The following VPS54 variants were observed in gnomAD, a reference collection of about 807,000 sequenced individuals.
The protein encoded by VPS54 is vacuolar protein sorting-associated protein 54.
Under a neutral mutation model 121.5 loss-of-function variants are expected in VPS54, and 45 were observed. The observed-to-expected ratio is 0.37, with a 90% CI of 0.29 to 0.47. The LOEUF is 0.47. Ranked by LOEUF, VPS54 falls within the 20% of genes least tolerant of loss-of-function variation. The probability of loss-of-function intolerance (pLI) is 0.99; values close to 1 mark genes in which losing one functional copy is unlikely to be tolerated. For missense variants in VPS54, 1,090 were observed against 1,131.4 expected (o/e 0.96, Z 0.52); for synonymous variants, 371 against 385.8 (o/e 0.96, Z 0.45).
intron 1 of VPS54, among the ~76,000 whole-genome samples, chr2:63,986,574 A>G (rs1483499481): frequency 6.6e-6 from 1 of 152,236 alleles, no homozygotes; most frequent in Non-Finnish European, 1.5e-5. Context: ...AAATATGGAT[A>G]TCTCTTCAAT....
chr2:63,953,685 T>C (rs182622536), intron 7 of VPS54, among the ~76,000 whole-genome samples: 20 of 152,100 alleles, frequency 1.3e-4, no homozygotes, highest in Non-Finnish European at 2.8e-4. Flanking sequence ...TTATCTAAGA[T>C]GAGAGACAGA....
At chr2:63,914,620 C>T (rs985386453) in intron 16 of VPS54, among the ~76,000 whole-genome samples, 11 of 152,038 alleles carry the variant, frequency 7.2e-5, no homozygotes, top group East Asian at 1.9e-4. Flanking sequence ...GTAAGGGAGT[C>T]GCTTCAGTAA....
intron 20 of VPS54, among the ~76,000 whole-genome samples, chr2:63,911,055 T>C (rs1673127551): frequency 6.7e-6 from 1 of 148,994 alleles, no homozygotes. Context: ...TTAACATATA[T>C]TCTATTCTCC....
chr2:63,958,637 C>T (rs924602677), intron 7 of VPS54, among the ~76,000 whole-genome samples: 1 of 152,094 alleles, frequency 6.6e-6, no homozygotes, highest in Non-Finnish European at 1.5e-5. Flanking sequence ...ATCACTTGAG[C>T]CTAGGAGTTC....
chr2:63,996,502 A>C (rs1677599026), intron 1 of VPS54, among the ~76,000 whole-genome samples: 1 of 152,224 alleles, frequency 6.6e-6, no homozygotes, highest in Admixed American at 6.5e-5. Context: ...AAAAAAGAAC[A>C]GGATAACAGC....
intron 12 of VPS54, among the ~76,000 whole-genome samples, chr2:63,932,466 G>A (rs981499651): frequency 3.3e-5 from 5 of 152,022 alleles, no homozygotes; most frequent in South Asian, 2.1e-4. Flanking sequence ...ATGAGAACAC[G>A]TGGACACAGG....
intron 5 of VPS54, among the ~76,000 whole-genome samples, chr2:63,966,277 T>A (rs1675998689): frequency 6.6e-6 from 1 of 152,340 alleles, no homozygotes; most frequent in Non-Finnish European, 1.5e-5. Flanking sequence ...GATATAATAC[T>A]CATCCTAAAA....
intron 1 of VPS54, among the ~76,000 whole-genome samples, chr2:64,005,046 G>A (rs1242321897): frequency 6.9e-6 from 1 of 145,096 alleles, no homozygotes; most frequent in East Asian, 2.1e-4. Flanking sequence ...CCAGAGTGCT[G>A]GTATTACAGG....
intron 17 of VPS54, 76 bp downstream of exon 17, chr2:63,914,106 T>G (rs529619240): frequency 8.2e-7 from 1 of 1,223,754 alleles, no homozygotes; most frequent in East Asian, 2.3e-5. Flanking sequence ...GAAATGTCTT[T>G]GAGTTAAGAT....
intron 1 of VPS54, among the ~76,000 whole-genome samples, chr2:64,009,847 CT>C (rs11354356): frequency 0.69 from 97,262 of 141,562 alleles, 33,780 homozygotes; most frequent in Non-Finnish European, 0.75. Flanking sequence ...ATAATTGACC[CT>C]TTTTTTTTTT....
chr2:63,950,447 G>T (rs1196882303), intron 7 of VPS54, among the ~76,000 whole-genome samples: 1 of 152,092 alleles, frequency 6.6e-6, no homozygotes, highest in East Asian at 1.9e-4. Context: ...AATTCATGGG[G>T]TTCTGGGTGG....
chr2:63,909,444 TG>T (rs1166247325), intron 20 of VPS54, among the ~76,000 whole-genome samples: 1 of 115,886 alleles, frequency 8.6e-6, no homozygotes, highest in Non-Finnish European at 1.7e-5. Flanking sequence ...TTTTTTGAGA[TG>T]GAGTCTCACT....
intron 7 of VPS54, among the ~76,000 whole-genome samples, chr2:63,951,612 AT>A (rs1186286177): frequency 6.6e-6 from 1 of 152,166 alleles, no homozygotes; most frequent in Non-Finnish European, 1.5e-5. Flanking sequence ...GTGGGGCCAT[AT>A]ACAGTCTGTG....
intron 1 of VPS54, among the ~76,000 whole-genome samples, chr2:64,014,063 C>CACCTGTAATCCCAGCTA (rs1442865665): frequency 6.7e-6 from 1 of 148,802 alleles, no homozygotes. Context: ...TAGTGACACG[C>CACCTGTAATCCCAGCTA]CAGAAAGATG....
At chr2:63,979,192 T>C (rs910996650) in intron 3 of VPS54, among the ~76,000 whole-genome samples, 3 of 152,002 alleles carry the variant, frequency 2.0e-5, no homozygotes, top group Non-Finnish European at 2.9e-5. Context: ...ATTTTCTCTG[T>C]TGTTTCTCTA....
chr2:64,018,568 A>G (rs977388411), intron 1 of VPS54, among the ~76,000 whole-genome samples: 1 of 152,070 alleles, frequency 6.6e-6, no homozygotes, highest in Non-Finnish European at 1.5e-5. Context: ...ATCCAATAGG[A>G]CTAAGGGCCT....
At chr2:64,007,567 T>G (rs1678219946) in intron 1 of VPS54, among the ~76,000 whole-genome samples, 1 of 152,218 alleles carries the variant, frequency 6.6e-6, no homozygotes, top group Non-Finnish European at 1.5e-5. Flanking sequence ...ATAATTACTT[T>G]GGAGAAAAAA....
intron 11 of VPS54, among the ~76,000 whole-genome samples, chr2:63,938,464 A>G (rs1020771802): frequency 1.3e-5 from 2 of 151,926 alleles, no homozygotes; most frequent in African/African-American, 4.8e-5. Flanking sequence ...CCTTGGCCAG[A>G]GTTATTATTA....
At chr2:63,986,750 A>C (rs1193925822) in intron 1 of VPS54, among the ~76,000 whole-genome samples, 2 of 152,178 alleles carry the variant, frequency 1.3e-5, no homozygotes, top group Non-Finnish European at 2.9e-5. Context: ...CTTCGCAAGC[A>C]CTTCTTAATG....
Sources: allele counts gnomAD v4.1 joint callset (sites outside exome capture counted in the v4.1 genomes callset), GRCh38; gene constraint gnomAD v4.1.1; transcripts MANE v1.5; gene names NCBI Gene and HGNC (gene_info 2026-07-23, HGNC 2026-07-21).